TSR1: variants seen among roughly 807,000 people sequenced by gnomAD.
TSR1 encodes TSR1 ribosome maturation factor.
Under a neutral mutation model 90.9 loss-of-function variants are expected in TSR1, and 81 were observed. The observed-to-expected ratio is 0.89, with a 90% CI of 0.74 to 1.07. The LOEUF is 1.07. Ranked by LOEUF, TSR1 falls within the 50% of genes least tolerant of loss-of-function variation. The pLI is 0.00. For synonymous variants in TSR1, 362 were observed against 348.8 expected, an observed-to-expected ratio of 1.04 and a Z score of -0.42; for missense variants, 989 against 987.3, an observed-to-expected ratio of 1.00 and a Z score of -0.02.
At position 2,323,914 on chromosome 17, in the gene TSR1, T is replaced by TA; in HGVS notation, c.*281dup. 1 of 1,523,808 alleles carries TA rather than the reference T, an allele frequency of 6.6e-7. No homozygotes were observed. The highest frequency in any genetic ancestry group is 9.1e-7 in the Non-Finnish European group (1 of 1,102,340). The allele number at this position is 1,523,808 out of a possible 1,614,324, so 94.4% of individuals were successfully genotyped here. A position where few individuals can be genotyped will look rare whatever the true frequency, so the allele number is the denominator to read the frequency against. ...ATGGTGGGAATTCAGTGTCTTTAGA[T>TA]ACTGAAGACATTTTGTTTCCTAGTA... On this transcript the variant is annotated 3_prime_UTR_variant, in exon 15 of 15. Coordinates refer to ENST00000301364, the MANE Select transcript of TSR1 (RefSeq NM_018128.5).
In TSR1 at chr17:2,323,097, T is replaced by A. The variant is rs76186241; in HGVS notation, c.*1099A>T. 1.9e-3 allele frequency: 2,990 copies of A among 1,597,288 alleles called. 59 individuals carry two copies. In the African/African-American group the frequency reaches 0.036, roughly 19 times the overall value. ...TCTTTTAGACATGCAGGCAATGTTGTGGTTTGTTGTTAAGATGTCTTAATA... is the reference window on the plus strand; with the variant it reads ...TCTTTTAGACATGCAGGCAATGTTGAGGTTTGTTGTTAAGATGTCTTAATA... On this transcript the variant is annotated 3_prime_UTR_variant, in exon 15 of 15. Transcript: ENST00000301364.
At chr17:2,328,547 C>T (rs920968139) in intron 11 of TSR1, among the ~76,000 whole-genome samples, 6 of 151,642 alleles carry the variant, frequency 4.0e-5, no homozygotes, top group Non-Finnish European at 7.4e-5. Context: ...CGAGATCACG[C>T]TATTGCACTC....
intron 11 of TSR1, among the ~76,000 whole-genome samples, chr17:2,327,593 C>T (rs2075582783): frequency 6.6e-6 from 1 of 151,932 alleles, no homozygotes; most frequent in South Asian, 2.1e-4. Flanking sequence ...TAGTTTAGAG[C>T]AAAACATTAG....
At chr17:2,333,833 T>G (rs1462911425) in intron 5 of TSR1, 117 bp from the exon 6 acceptor site, 1 of 1,287,664 alleles carries the variant, frequency 7.8e-7, no homozygotes. Context: ...TGCGACAGAA[T>G]GCTAAAACTT....
rs2075598836 is a variant in TSR1, at chr17:2,330,556, T to C, written c.1729A>G (p.Thr577Ala). Reference sequence around the variant, plus strand: ...AGTAAAGAAAATGCAATCAAGGGTGTTCCTTGCCTGAAGCACTCGACCACT... The same window carrying C: ...AGTAAAGAAAATGCAATCAAGGGTGCTCCTTGCCTGAAGCACTCGACCACT... ...VSVVECFRQG[T>A]PLIAFSLLPH... Residue 577 changes from threonine to alanine, a missense_variant, in exon 10 of 15, where the codon ACA becomes GCA. Physicochemically the swap from Thr to Ala is moderately conservative, Grantham distance 58 (BLOSUM62 0). Coordinates refer to ENST00000301364, the MANE Select transcript of TSR1 (RefSeq NM_018128.5). 3 of 1,613,916 alleles carry C rather than the reference T, an allele frequency of 1.9e-6. No individual in the cohort carries two copies. The highest frequency in any genetic ancestry group is 2.2e-5 in the East Asian group (1 of 44,862).
At position 2,325,299 on chromosome 17, in the gene TSR1, C is replaced by G; in HGVS notation, c.2020+5G>C. The G allele has an allele frequency of 6.2e-7, 1 of 1,608,076 alleles. No homozygotes were observed. The highest frequency in any genetic ancestry group is 8.5e-7 in the Non-Finnish European group (1 of 1,177,510). Reference sequence around the variant, plus strand: ...GGGTCTGTTCATCTCTGTGGCTCAACTTACCATTGCTTTTTTGCTTGAAAA... The same window carrying G: ...GGGTCTGTTCATCTCTGTGGCTCAAGTTACCATTGCTTTTTTGCTTGAAAA... On this transcript the variant is annotated splice_donor_5th_base_variant and intron_variant, in intron 12 of 14. Coordinates refer to ENST00000301364, the MANE Select transcript of TSR1 (RefSeq NM_018128.5).
Position 2,335,497 on chromosome 17 carries a change from G to A in TSR1, c.421+14C>T. The A allele has an allele frequency of 6.2e-7, 1 of 1,613,118 alleles. No homozygotes were observed. The highest frequency in any genetic ancestry group is 8.5e-7 in the Non-Finnish European group (1 of 1,179,484). On this transcript the variant is annotated intron_variant, in intron 3 of 14. Coordinates refer to ENST00000301364, the MANE Select transcript of TSR1 (RefSeq NM_018128.5). ...TACTCAAACATAATACAAAATATTG[G>A]TGTATACTCTAACCTGGCCTTGCTG...
At chr17:2,333,217 C>T (rs769730919) in intron 6 of TSR1, 93 bp from the exon 7 acceptor site, 12 of 1,419,568 alleles carry the variant, frequency 8.5e-6, no homozygotes, top group Non-Finnish European at 1.2e-5. Context: ...GATACTGCTG[C>T]CAACATGGGA....
At chr17:2,332,433 G>A (rs2151441366) in intron 7 of TSR1, 74 bp from the exon 8 acceptor site, 1 of 1,293,980 alleles carries the variant, frequency 7.7e-7, no homozygotes, top group East Asian at 2.4e-5. Flanking sequence ...TAAGCTAAGA[G>A]TAAAATAATT....
chr17:2,324,247 G>C lies in TSR1; in HGVS notation c.2364C>G (p.Pro788=). ...TYDPYVPEPV[P]WLKSEISSTV... is the part of the protein sequence containing the mutation. ...TTGAAGAAATCTCACTTTTCAGCCA[G>C]GGTACTGGTTCTGGTACATATGGAT... The change falls in exon 15 of 15, where the codon CCC becomes CCG. Residue 788 remains proline (P), a synonymous_variant. Transcript: ENST00000301364. 2 of 1,534,304 alleles carry C rather than the reference G, an allele frequency of 1.3e-6. No homozygotes were observed. Among genetic ancestry groups the C allele is most frequent in the Non-Finnish European group, 1.7e-6 (2 of 1,147,014 alleles).
In TSR1 at chr17:2,333,862, G is replaced by A. The variant is rs574787090; in HGVS notation, c.982-146C>T. On this transcript the variant is annotated intron_variant, in intron 5 of 14. Coordinates refer to ENST00000301364, the MANE Select transcript of TSR1 (RefSeq NM_018128.5). Reference sequence around the variant, plus strand: ...AAAACTTGTCAAAACTTTTCCAATGGCTGTTTTCTAATTTCCAGGGTATTT... The same window carrying A: ...AAAACTTGTCAAAACTTTTCCAATGACTGTTTTCTAATTTCCAGGGTATTT... 5.3e-5 allele frequency: 54 copies of A among 1,012,364 alleles called. No homozygotes were observed. The South Asian group carries it at 9.2e-4, about 17-fold the overall frequency. 62.7% of individuals were successfully genotyped at this position (1,012,364 alleles called of 1,614,324 possible).
Position 2,323,550 on chromosome 17 carries a change from C to A in TSR1, c.*646G>T, listed in dbSNP as rs1265710122. 3.1e-6 allele frequency: 4 copies of A among 1,289,558 alleles called. No homozygotes were observed. In the African/African-American group the frequency reaches 5.9e-5, roughly 19 times the overall value. The allele number at this position is 1,289,558 out of a possible 1,614,324, so 79.9% of individuals were successfully genotyped here. Reference sequence around the variant, plus strand: ...AAAAGCTTTGGGAAGCGTGTGTACACAGTGATAAGAAAATTCAAACTGGAC... The same window carrying A: ...AAAAGCTTTGGGAAGCGTGTGTACAAAGTGATAAGAAAATTCAAACTGGAC... On this transcript the variant is annotated 3_prime_UTR_variant, in exon 15 of 15. Coordinates refer to ENST00000301364, the MANE Select transcript of TSR1 (RefSeq NM_018128.5).
intron 11 of TSR1, chr17:2,328,953 AC>A (rs371180350): frequency 4.3e-6 from 1 of 231,004 alleles, no homozygotes; most frequent in Non-Finnish European, 8.7e-6. Flanking sequence ...AAAAACAGAA[AC>A]AAAAACAAGA....
At chr17:2,332,812 G>A (rs969121392) in intron 7 of TSR1, 149 bp downstream of exon 7, 52 of 761,764 alleles carry the variant, frequency 6.8e-5, no homozygotes, top group Non-Finnish European at 1.4e-5. Flanking sequence ...ACTCCAGCCT[G>A]AGCAACAGAG....
rs1384309563 is a variant in TSR1, at chr17:2,324,247, G to T, written c.2364C>A (p.Pro788=). ...TTGAAGAAATCTCACTTTTCAGCCA[G>T]GGTACTGGTTCTGGTACATATGGAT... ...TYDPYVPEPV[P]WLKSEISSTV... is the part of the protein sequence containing the mutation. Residue 788 remains proline, a synonymous_variant, in exon 15 of 15, where the codon CCC becomes CCA. Coordinates refer to ENST00000301364, the MANE Select transcript of TSR1 (RefSeq NM_018128.5). The T allele has an allele frequency of 6.5e-7, 1 of 1,534,186 alleles. No individual in the cohort carries two copies. The highest frequency in any genetic ancestry group is 8.7e-7 in the Non-Finnish European group (1 of 1,147,022).
Position 2,332,349 on chromosome 17 carries a change from CTACTCT to C in TSR1, c.1310_1315del (p.Glu437_Ser439delinsGly). On this transcript the variant is annotated inframe_deletion, in exon 8 of 15. Coordinates refer to ENST00000301364, the MANE Select transcript of TSR1 (RefSeq NM_018128.5). ...AGTTTCATATTCTTCCTCTTCTTCA[CTACTCT>C]CATCCTGTAGAATAGGATTACAGTT... 1 of 1,602,256 alleles carries C rather than the reference CTACTCT, an allele frequency of 6.2e-7. No individual in the cohort carries two copies. The highest frequency in any genetic ancestry group is 1.1e-5 in the South Asian group (1 of 88,562).
chr17:2,336,009 G>A (rs372231841), intron 2 of TSR1, 28 bp downstream of exon 2: 12 of 1,608,986 alleles, frequency 7.5e-6, no homozygotes, highest in Middle Eastern at 1.7e-4. Context: ...CAGAGAAGCC[G>A]CATTCTCCCA....
chr17:2,329,863 C>A (rs559750796), intron 10 of TSR1, among the ~76,000 whole-genome samples: 1 of 152,148 alleles, frequency 6.6e-6, no homozygotes, highest in South Asian at 2.1e-4. Context: ...TATCACATAC[C>A]CCACAACATA....
intron 11 of TSR1, 178 bp downstream of exon 11, chr17:2,329,165 C>T: frequency 9.8e-7 from 1 of 1,021,362 alleles, no homozygotes; most frequent in Non-Finnish European, 1.5e-6. Context: ...CACTGGGATG[C>T]TTCAGACAGG....
Sources: allele counts gnomAD v4.1 joint callset (sites outside exome capture counted in the v4.1 genomes callset), GRCh38; gene constraint gnomAD v4.1.1; transcripts MANE v1.5; gene names NCBI Gene and HGNC (gene_info 2026-07-23, HGNC 2026-07-21).